CNTN4: variants seen among roughly 807,000 people sequenced by gnomAD.
CNTN4 encodes contactin-4.
CNTN4 carries 77 observed loss-of-function variants against 122.5 expected under a neutral mutation model. The observed-to-expected ratio is 0.63, with a 90% confidence interval of 0.52 to 0.76. The LOEUF is 0.76. CNTN4 is among the 30% of genes least tolerant of loss of function. The pLI, the probability that CNTN4 is intolerant of heterozygous loss-of-function variation, is 0.00. For missense variants in CNTN4, 1,256 were observed against 1,259.1 expected (o/e 1.00, Z 0.04); for synonymous variants, 512 against 447.0 (o/e 1.15, Z -1.83).
chr3:2,891,898 G>A (rs79635551), intron 10 of CNTN4, among the ~76,000 whole-genome samples: 2,334 of 152,290 alleles, frequency 0.015, 76 homozygotes, highest in African/African-American at 0.053. Context: ...TGGATGATTG[G>A]AAACCAAGAG....
intron 3 of CNTN4, among the ~76,000 whole-genome samples, chr3:2,419,271 C>G (rs755549869): frequency 2.4e-4 from 36 of 152,096 alleles, no homozygotes; most frequent in Non-Finnish European, 3.7e-4. Flanking sequence ...ACATTCCACT[C>G]TAATGTAGCT....
At chr3:2,246,839 T>A (rs2040172377) in intron 2 of CNTN4, among the ~76,000 whole-genome samples, 1 of 151,844 alleles carries the variant, frequency 6.6e-6, no homozygotes, top group South Asian at 2.1e-4. Context: ...ATTCAGGGAA[T>A]GTTCGTGGAA....
chr3:2,651,197 T>C (rs1356987906), intron 4 of CNTN4, among the ~76,000 whole-genome samples: 2 of 152,120 alleles, frequency 1.3e-5, no homozygotes, highest in Admixed American at 6.6e-5. Context: ...ACAGCTCCAT[T>C]CTTTCACCAC....
rs5846191 is a variant in CNTN4, at chr3:2,521,352, C to A, written c.-88-50064C>A. On this transcript the variant is annotated intron_variant, in intron 3 of 24. Coordinates refer to ENST00000418658, the MANE Select transcript of CNTN4 (RefSeq NM_175607.3). ...GGTGGACCTCTACCCATCCCCCCCA[C>A]CCCCCGCAATAAGTCACTCATTTCT... 1.1e-3 allele frequency among the ~76,000 whole-genome samples: 35 copies of A among 32,670 alleles called. No individual in the cohort carries two copies. In the East Asian group the frequency reaches 0.028, roughly 26 times the overall value. 21.4% of individuals were successfully genotyped at this position (32,670 alleles called of 152,430 possible).
intron 14 of CNTN4, among the ~76,000 whole-genome samples, chr3:3,019,540 C>T (rs1698077821): frequency 6.6e-6 from 1 of 151,846 alleles, no homozygotes; most frequent in African/African-American, 2.4e-5. Flanking sequence ...AGTGATCTGC[C>T]TGCCTCAGCC....
At chr3:2,154,506 C>T (rs1484934675) in intron 2 of CNTN4, among the ~76,000 whole-genome samples, 2 of 152,154 alleles carry the variant, frequency 1.3e-5, no homozygotes, top group African/African-American at 4.8e-5. Context: ...TGGTTTCTGG[C>T]ATAATATCCT....
chr3:2,209,515 C>T (rs2038511312), intron 2 of CNTN4, among the ~76,000 whole-genome samples: 2 of 151,816 alleles, frequency 1.3e-5, no homozygotes, highest in Non-Finnish European at 2.9e-5. Flanking sequence ...CACTGAGTCT[C>T]CCTAGTAACA....
At chr3:2,424,768 T>A (rs994879991) in intron 3 of CNTN4, among the ~76,000 whole-genome samples, 1 of 152,204 alleles carries the variant, frequency 6.6e-6, no homozygotes, top group Admixed American at 6.5e-5. Context: ...CTAACTGGTG[T>A]GAGATGGCGT....
chr3:2,408,071 A>G (rs971723329), intron 3 of CNTN4, among the ~76,000 whole-genome samples: 5 of 152,246 alleles, frequency 3.3e-5, no homozygotes, highest in African/African-American at 1.2e-4. Context: ...GAAATAAAGT[A>G]GCACTTATTT....
chr3:2,637,284 A>C (rs1231146987), intron 4 of CNTN4, among the ~76,000 whole-genome samples: 1 of 151,882 alleles, frequency 6.6e-6, no homozygotes, highest in Non-Finnish European at 1.5e-5. Flanking sequence ...CCATTTTTTT[A>C]AATAAGCTAA....
intron 4 of CNTN4, among the ~76,000 whole-genome samples, chr3:2,663,837 A>C (rs2084020328): frequency 6.6e-6 from 1 of 152,240 alleles, no homozygotes; most frequent in Admixed American, 6.5e-5. Flanking sequence ...GTACTGATGC[A>C]TACATATTAC....
At chr3:3,017,270 TTC>T (rs1697849224) in intron 14 of CNTN4, among the ~76,000 whole-genome samples, 1 of 152,192 alleles carries the variant, frequency 6.6e-6, no homozygotes, top group East Asian at 1.9e-4. Context: ...ACTGTAAAAA[TTC>T]TCAATTCACA....
intron 4 of CNTN4, among the ~76,000 whole-genome samples, chr3:2,673,136 G>T (rs145745093): frequency 1.3e-5 from 2 of 152,080 alleles, no homozygotes; most frequent in Non-Finnish European, 2.9e-5. Flanking sequence ...TGGAAAATAC[G>T]CAATCTATGG....
rs1299688087 is a variant in CNTN4, at chr3:2,505,344, T to A, written c.-88-66072T>A. ...AGGTCAAAGGCATATGTGTATTCAT[T>A]GTGCCATCTTTTCAACTTTTGTGTA... On this transcript the variant is annotated intron_variant, in intron 3 of 24. Coordinates refer to ENST00000418658, the MANE Select transcript of CNTN4 (RefSeq NM_175607.3). Among the ~76,000 whole-genome samples the A allele has an allele frequency of 1.3e-5, 2 of 152,198 alleles. 1 individual carries two copies. The highest frequency in any genetic ancestry group is 1.3e-4 in the Admixed American group (2 of 15,276).
intron 6 of CNTN4, among the ~76,000 whole-genome samples, chr3:2,789,027 G>A (rs189174342): frequency 6.6e-6 from 1 of 151,498 alleles, no homozygotes; most frequent in Non-Finnish European, 1.5e-5. Flanking sequence ...TTCTCTTTAT[G>A]CCTTTGAGGA....
At chr3:2,706,855 C>T (rs2086771233) in intron 4 of CNTN4, among the ~76,000 whole-genome samples, 1 of 152,114 alleles carries the variant, frequency 6.6e-6, no homozygotes, top group East Asian at 1.9e-4. Context: ...CTCTTAAGGT[C>T]TCTGTGCCTC....
chr3:2,629,503 T>TA (rs2082334816), intron 4 of CNTN4: 1 of 435,382 alleles, frequency 2.3e-6, no homozygotes, highest in South Asian at 1.7e-5. Context: ...TGAAGAATTT[T>TA]ACCCTGTTCC....
intron 3 of CNTN4, among the ~76,000 whole-genome samples, chr3:2,463,062 A>T (rs866161959): frequency 6.6e-6 from 1 of 152,208 alleles, no homozygotes; most frequent in South Asian, 2.1e-4. Context: ...TAAGGAATGA[A>T]GTTGTTGGAC....
rs78418386 is a variant in CNTN4, at chr3:2,291,882, C to T, written c.-144-47296C>T. Among the ~76,000 whole-genome samples, 278 of 151,994 alleles carry T rather than the reference C, an allele frequency of 1.8e-3. 2 individuals are homozygous for T. Among genetic ancestry groups the T allele is most frequent in the African/African-American group, 5.7e-3 (236 of 41,480 alleles). ...CCGAGTAGCTGGGATTACAGGCATT[C>T]GCTACCATGCATGACTAATTTTTTT... On this transcript the variant is annotated intron_variant, in intron 2 of 24. Transcript: ENST00000418658.
Sources: allele counts gnomAD v4.1 joint callset (sites outside exome capture counted in the v4.1 genomes callset), GRCh38; gene constraint gnomAD v4.1.1; transcripts MANE v1.5; gene names NCBI Gene and HGNC (gene_info 2026-07-23, HGNC 2026-07-21).